Variants in WDR27 observed in about 807,000 individuals in gnomAD.
The protein encoded by WDR27 is WD repeat domain 27, also known as WD repeat-containing protein 27.
A neutral mutation model predicts 114.4 loss-of-function variants in WDR27; 100 were observed. The ratio of observed to expected loss-of-function variants is 0.87; its 90% CI spans 0.74 to 1.03. The LOEUF (loss-of-function observed/expected upper bound fraction) is 1.03. Among genes scored for constraint, WDR27 ranks in the 50% least tolerant of loss-of-function variants. WDR27 has a pLI of 0.00. For missense variants in WDR27, 1,129 were observed against 1,092.9 expected, an observed-to-expected ratio of 1.03 and a Z score of -0.47; for synonymous variants, 449 against 423.1, an observed-to-expected ratio of 1.06 and a Z score of -0.75.
At chr6:169,443,807 C>A in the WDR27 span, among the ~76,000 whole-genome samples, 56,675 of 152,026 alleles carry the variant, frequency 0.37, 13,275 homozygotes, top group Non-Finnish European at 0.53. Flanking sequence ...TAGAAGACTT[C>A]ATGTATACTA....
intron 21 of WDR27, among the ~76,000 whole-genome samples, chr6:169,628,292 A>G (rs1815379549): frequency 6.6e-6 from 1 of 152,154 alleles, no homozygotes; most frequent in South Asian, 2.1e-4. Flanking sequence ...CAGAACTGTG[A>G]GCAAATACAT....
chr6:169,574,828 C>A (rs745473371), intron 24 of WDR27, among the ~76,000 whole-genome samples: 1 of 152,150 alleles, frequency 6.6e-6, no homozygotes, highest in African/African-American at 2.4e-5. Context: ...AGGCCAATAG[C>A]TTATCTCTGC....
At chr6:169,631,990 G>A (rs1400285471) in intron 21 of WDR27, among the ~76,000 whole-genome samples, 2 of 152,030 alleles carry the variant, frequency 1.3e-5, no homozygotes, top group East Asian at 3.9e-4. Context: ...TTCGAGACCA[G>A]CCTGACCAAC....
chr6:169,629,434 G>C (rs1815737907), intron 21 of WDR27, among the ~76,000 whole-genome samples: 1 of 152,082 alleles, frequency 6.6e-6, no homozygotes, highest in Admixed American at 6.6e-5. Context: ...AGAAAATAGG[G>C]ATTTATAATG....
At chr6:169,683,049 G>C (rs1312178834) in intron 2 of WDR27, among the ~76,000 whole-genome samples, 1 of 151,858 alleles carries the variant, frequency 6.6e-6, no homozygotes, top group Non-Finnish European at 1.5e-5. Flanking sequence ...AAGGAATGAA[G>C]AAGCTTATGG....
intron 20 of WDR27, among the ~76,000 whole-genome samples, chr6:169,633,705 G>T (rs530456313): frequency 8.2e-4 from 125 of 152,320 alleles, no homozygotes; most frequent in African/African-American, 2.9e-3. Context: ...TAATGCTGGT[G>T]TTAGCGTTGG....
At chr6:169,579,779 C>T (rs1375901006) in intron 24 of WDR27, among the ~76,000 whole-genome samples, 3 of 152,198 alleles carry the variant, frequency 2.0e-5, no homozygotes, top group South Asian at 4.1e-4. Flanking sequence ...GCGTGCTGTT[C>T]GGGGCCACTC....
intron 19 of WDR27, among the ~76,000 whole-genome samples, chr6:169,635,250 A>AG (rs1350341776): frequency 1.4e-5 from 2 of 146,730 alleles, no homozygotes; most frequent in South Asian, 2.3e-4. Flanking sequence ...AGGTGGGGGA[A>AG]GGGGGGCGCC....
chr6:169,536,421 A>G (rs1179554591), intron 25 of WDR27, among the ~76,000 whole-genome samples: 3 of 152,194 alleles, frequency 2.0e-5, no homozygotes, highest in Non-Finnish European at 1.5e-5. Flanking sequence ...ATTTTTATGA[A>G]CCTCAATTCT....
intron 25 of WDR27, among the ~76,000 whole-genome samples, chr6:169,552,949 G>A (rs1213546975): frequency 6.7e-6 from 1 of 149,276 alleles, no homozygotes; most frequent in Admixed American, 6.7e-5. Flanking sequence ...CGCGCTCTGT[G>A]TGCTGTTTGG....
rs370972473 is a variant in WDR27 at position 169,597,170 on chromosome 6, T to G, written c.2424+5049A>C. Among the ~76,000 whole-genome samples, 11 of 152,314 alleles carry G rather than the reference T, an allele frequency of 7.2e-5. No homozygotes were observed. In the East Asian group the frequency reaches 2.1e-3, roughly 29 times the overall value. ...TACACTCTTAATTTCCAATGATATATCTTTCAGTTCTAGGAAAGTCCAACA... is the reference window on the plus strand; with the variant it reads ...TACACTCTTAATTTCCAATGATATAGCTTTCAGTTCTAGGAAAGTCCAACA... On this transcript the variant is annotated intron_variant, in intron 23 of 25. Coordinates refer to ENST00000448612, the MANE Select transcript of WDR27 (RefSeq NM_182552.5).
intron 25 of WDR27, among the ~76,000 whole-genome samples, chr6:169,513,433 A>C (rs1361326628): frequency 6.6e-6 from 1 of 152,126 alleles, no homozygotes; most frequent in Non-Finnish European, 1.5e-5. Context: ...GAAGTGTTGA[A>C]GGATTTGCAG....
At chr6:169,493,701 C>A (rs1790058978) in intron 25 of WDR27, among the ~76,000 whole-genome samples, 1 of 152,020 alleles carries the variant, frequency 6.6e-6, no homozygotes, top group Non-Finnish European at 1.5e-5. Context: ...CCACATTTTT[C>A]TGCACATCAA....
At chr6:169,690,851 A>AG (rs200131810) in intron 1 of WDR27, among the ~76,000 whole-genome samples, 2,398 of 152,256 alleles carry the variant, frequency 0.016, 33 homozygotes, top group Middle Eastern at 0.082. Flanking sequence ...TCCTGTGTGC[A>AG]GGGGGGAGCA....
At chr6:169,557,923 G>C (rs1008596904) in intron 25 of WDR27, among the ~76,000 whole-genome samples, 1 of 151,916 alleles carries the variant, frequency 6.6e-6, no homozygotes, top group African/African-American at 2.4e-5. Context: ...AAAACATATT[G>C]ACTTGAATAT....
chr6:169,633,004 A>G lies in WDR27; in HGVS notation c.2166T>C (p.Ser722=), dbSNP rs760295788. Residue 722 remains serine (S), a synonymous_variant, in exon 21 of 26, where the codon AGT becomes AGC. Transcript: ENST00000448612. ...AGTGGGCTTCCGCTATCACCGCTGCACTGCAGCCGGCGTTGAGGTCAAACA... is the reference window on the plus strand; with the variant it reads ...AGTGGGCTTCCGCTATCACCGCTGCGCTGCAGCCGGCGTTGAGGTCAAACA... ...VEVFDLNAGC[S]AAVIAEAHSR... 88 of 1,599,466 alleles carry G rather than the reference A, an allele frequency of 5.5e-5. No individual in the cohort carries two copies. Among genetic ancestry groups the G allele is most frequent in the Non-Finnish European group, 7.3e-5 (85 of 1,168,252 alleles).
At chr6:169,493,228 A>C (rs1789989987) in intron 25 of WDR27, among the ~76,000 whole-genome samples, 1 of 152,116 alleles carries the variant, frequency 6.6e-6, no homozygotes, top group Non-Finnish European at 1.5e-5. Flanking sequence ...TAGCAATACC[A>C]CTGTTAATAT....
At chr6:169,532,361 CAAAT>C (rs987056837) in intron 25 of WDR27, among the ~76,000 whole-genome samples, 1 of 151,928 alleles carries the variant, frequency 6.6e-6, no homozygotes, top group Non-Finnish European at 1.5e-5. Flanking sequence ...AAAATCTTCT[CAAAT>C]AAGTTTACTT....
chr6:169,620,330 A>C (rs1812803787), intron 21 of WDR27, among the ~76,000 whole-genome samples: 1 of 152,212 alleles, frequency 6.6e-6, no homozygotes, highest in African/African-American at 2.4e-5. Context: ...CAAAGATAAG[A>C]AGCTACAGAC....
Sources: gnomAD v4.1 joint callset for allele counts (sites outside exome capture counted in the v4.1 genomes callset) on GRCh38, gnomAD v4.1.1 for gene constraint, MANE v1.5 for transcripts, NCBI Gene and HGNC (gene_info 2026-07-23, HGNC 2026-07-21) for gene names.